The following SHISA6 variants were observed in gnomAD, a reference collection of about 807,000 sequenced individuals.
SHISA6 encodes shisa family member 6.
A neutral mutation model predicts 47.9 loss-of-function variants in SHISA6; 22 were observed. The observed-to-expected ratio is 0.46, with a 90% CI of 0.33 to 0.66. The LOEUF is 0.66. Ranked by LOEUF, SHISA6 falls within the 30% of genes least tolerant of loss-of-function variation. The pLI is 0.02. For synonymous variants in SHISA6, 388 were observed against 337.8 expected (o/e 1.15, Z -1.63); for missense variants, 680 against 764.6 (o/e 0.89, Z 1.30).
chr17:11,442,433 G>A (rs1284202479), intron 3 of SHISA6, among the ~76,000 whole-genome samples: 4 of 152,004 alleles, frequency 2.6e-5, no homozygotes, highest in Non-Finnish European at 4.4e-5. Flanking sequence ...CTGAGAGACC[G>A]GCAGAGAAAG....
At chr17:11,427,175 C>T (rs7225057) in intron 3 of SHISA6, among the ~76,000 whole-genome samples, 8,523 of 152,038 alleles carry the variant, frequency 0.056, 522 homozygotes, top group African/African-American at 0.15. Context: ...GCTCTGTTGC[C>T]CAGGCTGGAG....
intron 3 of SHISA6, among the ~76,000 whole-genome samples, chr17:11,524,001 C>T (rs1373880398): frequency 2.9e-5 from 4 of 140,316 alleles, no homozygotes; most frequent in Admixed American, 7.7e-5. Flanking sequence ...GAGTGAAACT[C>T]GGTCTCAAAG....
At chr17:11,347,899 T>C (rs1338557386) in intron 2 of SHISA6, among the ~76,000 whole-genome samples, 1 of 152,206 alleles carries the variant, frequency 6.6e-6, no homozygotes, top group Non-Finnish European at 1.5e-5. Flanking sequence ...TCTGCTTCTC[T>C]TTCATGCGCT....
chr17:11,257,623 T>G (rs1908066131), intron 1 of SHISA6, among the ~76,000 whole-genome samples: 2 of 147,340 alleles, frequency 1.4e-5, no homozygotes, highest in Non-Finnish European at 1.5e-5. Flanking sequence ...ATCTCACCAC[T>G]GCACTGCAGC....
intron 3 of SHISA6, among the ~76,000 whole-genome samples, chr17:11,504,020 T>A (rs2142349424): frequency 6.6e-6 from 1 of 152,334 alleles, no homozygotes; most frequent in African/African-American, 2.4e-5. Context: ...TTTTTAAACC[T>A]AGGGGAGATG....
chr17:11,502,381 C>T (rs1034140018), intron 3 of SHISA6, among the ~76,000 whole-genome samples: 2 of 127,688 alleles, frequency 1.6e-5, no homozygotes, highest in Non-Finnish European at 3.1e-5. Context: ...TGGACTCCAG[C>T]CTGGGCGACA....
intron 3 of SHISA6, among the ~76,000 whole-genome samples, chr17:11,400,269 G>A (rs982181750): frequency 3.3e-5 from 5 of 152,264 alleles, no homozygotes; most frequent in East Asian, 3.9e-4. Flanking sequence ...ACTGACGTTC[G>A]TTTTCTGCCA....
At chr17:11,506,533 A>G (rs1044668319) in intron 3 of SHISA6, among the ~76,000 whole-genome samples, 2 of 152,186 alleles carry the variant, frequency 1.3e-5, no homozygotes, top group African/African-American at 4.8e-5. Context: ...GAGAACTGAC[A>G]GAGGATTGAG....
chr17:11,508,355 A>G (rs2071517597), intron 3 of SHISA6, among the ~76,000 whole-genome samples: 1 of 141,834 alleles, frequency 7.1e-6, no homozygotes, highest in African/African-American at 2.6e-5. Flanking sequence ...ACAGAAGGGT[A>G]AAAAGGGACA....
intron 3 of SHISA6, among the ~76,000 whole-genome samples, chr17:11,392,349 G>A (rs923445723): frequency 6.6e-6 from 1 of 152,226 alleles, no homozygotes; most frequent in African/African-American, 2.4e-5. Flanking sequence ...CAGTGCGGCA[G>A]TGTTAGGAGG....
chr17:11,530,815 A>G (rs1218786144), intron 3 of SHISA6, among the ~76,000 whole-genome samples: 1 of 152,206 alleles, frequency 6.6e-6, no homozygotes, highest in Admixed American at 6.5e-5. Flanking sequence ...AAGCTAGCAT[A>G]TGTTTCAGAG....
At chr17:11,273,008 C>T (rs1908738520) in intron 2 of SHISA6, among the ~76,000 whole-genome samples, 1 of 152,172 alleles carries the variant, frequency 6.6e-6, no homozygotes, top group African/African-American at 2.4e-5. Flanking sequence ...GATACGGCTC[C>T]CAGGAAAGCT....
At chr17:11,395,023 A>G (rs1913521590) in intron 3 of SHISA6, among the ~76,000 whole-genome samples, 1 of 101,730 alleles carries the variant, frequency 9.8e-6, no homozygotes, top group Non-Finnish European at 1.8e-5. Context: ...TTTTTTTGAG[A>G]CAGAGTCTCG....
intron 2 of SHISA6, among the ~76,000 whole-genome samples, chr17:11,314,635 A>C (rs1910446360): frequency 6.6e-6 from 1 of 150,970 alleles, no homozygotes; most frequent in South Asian, 2.1e-4. Context: ...TCCCGGATTC[A>C]AGCAATTCTC....
intron 2 of SHISA6, among the ~76,000 whole-genome samples, chr17:11,339,695 A>G (rs1911460091): frequency 1.3e-5 from 2 of 152,220 alleles, no homozygotes; most frequent in Admixed American, 1.3e-4. Flanking sequence ...AAGTGTGACT[A>G]CAGGAATTAA....
intron 2 of SHISA6, among the ~76,000 whole-genome samples, chr17:11,373,189 G>T (rs1408505321): frequency 1.3e-5 from 2 of 151,338 alleles, no homozygotes; most frequent in Non-Finnish European, 1.5e-5. Flanking sequence ...TTTTCATCAG[G>T]TCTATTTTAA....
At chr17:11,337,905 A>G (rs979353568) in intron 2 of SHISA6, among the ~76,000 whole-genome samples, 1 of 152,192 alleles carries the variant, frequency 6.6e-6, no homozygotes, top group African/African-American at 2.4e-5. Context: ...CAACGCTACT[A>G]CAGAAGATGT....
intron 1 of SHISA6, among the ~76,000 whole-genome samples, chr17:11,246,911 C>T (rs79729384): frequency 0.05 from 7,641 of 152,256 alleles, 243 homozygotes; most frequent in Non-Finnish European, 0.072. Context: ...GTGCAATTCT[C>T]CTTGGTCACA....
At chr17:11,321,503 T>C (rs1192132608) in intron 2 of SHISA6, among the ~76,000 whole-genome samples, 1 of 152,236 alleles carries the variant, frequency 6.6e-6, no homozygotes, top group Non-Finnish European at 1.5e-5. Context: ...ATGACTTTAT[T>C]TTTAAAAAGC....
Sources: allele counts gnomAD v4.1 joint callset (sites outside exome capture counted in the v4.1 genomes callset), GRCh38; gene constraint gnomAD v4.1.1; transcripts MANE v1.5; gene names NCBI Gene and HGNC (gene_info 2026-07-23, HGNC 2026-07-21).